ANKMY2: variants seen among roughly 807,000 people sequenced by gnomAD.
ANKMY2 encodes the protein ankyrin repeat and MYND domain-containing protein 2.
Under a neutral mutation model 50.4 loss-of-function variants are expected in ANKMY2, and 36 were observed. That is an observed-to-expected ratio of 0.71 (90% CI 0.55 to 0.94). ANKMY2 has a LOEUF of 0.94. Ranked by LOEUF, ANKMY2 falls within the 40% of genes least tolerant of loss-of-function variation. ANKMY2 has a pLI of 0.00. For synonymous variants in ANKMY2, 187 were observed against 178.8 expected, an observed-to-expected ratio of 1.05 and a Z score of -0.36; for missense variants, 565 against 524.0, an observed-to-expected ratio of 1.08 and a Z score of -0.76.
Position 16,645,710 on chromosome 7 carries a change from G to C in ANKMY2, c.-137C>G. 2 of 945,886 alleles carry C rather than the reference G, an allele frequency of 2.1e-6. No individual in the cohort carries two copies. Among genetic ancestry groups the C allele is most frequent in the Non-Finnish European group, 1.5e-6 (1 of 662,650 alleles). 58.6% of individuals were successfully genotyped at this position (945,886 alleles called of 1,614,324 possible). On this transcript the variant is annotated 5_prime_UTR_variant, in exon 1 of 10. Transcript: ENST00000306999. ...GAGTAGCCAACCGCGGAAACGCTTC[G>C]CTTCTCTCCTCCCTCCCGCGGGCTG... is the stretch of plus-strand genomic sequence containing the variant.
At chr7:16,638,383 A>G (rs1008131619) in intron 1 of ANKMY2, among the ~76,000 whole-genome samples, 2 of 152,204 alleles carry the variant, frequency 1.3e-5, no homozygotes, top group African/African-American at 4.8e-5. Context: ...AACTCAGGGA[A>G]ACACTACTTA....
chr7:16,633,743 T>C (rs901656830), intron 2 of ANKMY2, among the ~76,000 whole-genome samples: 8 of 152,194 alleles, frequency 5.3e-5, no homozygotes, highest in African/African-American at 1.9e-4. Context: ...TCTGCTAATA[T>C]ACAGTCCATG....
At chr7:16,602,649 T>A (rs1781089881) in intron 8 of ANKMY2, 140 bp from the exon 9 acceptor site, 2 of 1,155,516 alleles carry the variant, frequency 1.7e-6, no homozygotes, top group Non-Finnish European at 2.4e-6. Flanking sequence ...GTTGATATAG[T>A]TTGGATGTTG....
chr7:16,643,184 T>C (rs1781767907), intron 1 of ANKMY2, among the ~76,000 whole-genome samples: 1 of 152,232 alleles, frequency 6.6e-6, no homozygotes, highest in African/African-American at 2.4e-5. Flanking sequence ...AAAAGTCACT[T>C]GCCCAAAGGC....
intron 4 of ANKMY2, among the ~76,000 whole-genome samples, chr7:16,622,504 C>T (rs142258927): frequency 0.014 from 2,193 of 151,950 alleles, 58 homozygotes; most frequent in African/African-American, 0.05. Context: ...TTTGGGAGGC[C>T]GAGGCGGGCA....
In ANKMY2 at chr7:16,610,761, G is replaced by C. The variant is rs146888539; in HGVS notation, c.534C>G (p.Ile178Met). 6.2e-7 allele frequency: 1 copy of C among 1,613,196 alleles called. No homozygotes were observed. Among genetic ancestry groups the C allele is most frequent in the South Asian group, 1.1e-5 (1 of 90,982 alleles). The change falls in exon 6 of 10, where the codon ATC becomes ATG. Residue 178 changes from isoleucine to methionine, a missense_variant and splice_region_variant. Transcript: ENST00000306999. The stretch of plus-strand genomic sequence containing the variant: ...GAGGATTCTCATTTACAAGCATCAC[G>C]ATCTAGAGGAAATCCCAGTGTACTC... ...ITTTNLHPVK[I>M]VMLVNENPLL...
chr7:16,622,540 C>T (rs758444030), intron 4 of ANKMY2, among the ~76,000 whole-genome samples: 2 of 152,020 alleles, frequency 1.3e-5, no homozygotes, highest in Non-Finnish European at 2.9e-5. Flanking sequence ...AGTTCAAGAC[C>T]AGCCTGACCA....
chr7:16,636,528 A>C, intron 1 of ANKMY2, 73 bp from the exon 2 acceptor site: 1 of 1,239,098 alleles, frequency 8.1e-7, no homozygotes, highest in Non-Finnish European at 1.1e-6. Flanking sequence ...CATCAAGGAA[A>C]TAAACCTTAA....
intron 2 of ANKMY2, among the ~76,000 whole-genome samples, chr7:16,631,425 G>A (rs969160340): frequency 2.0e-5 from 3 of 152,146 alleles, no homozygotes; most frequent in African/African-American, 7.2e-5. Flanking sequence ...TCAAATAAAT[G>A]AGTTGAGTAT....
In ANKMY2 at chr7:16,645,511, C is replaced by T. The variant is rs766846791; in HGVS notation, c.63G>A (p.Gly21=). 2 of 1,611,184 alleles carry T rather than the reference C, an allele frequency of 1.2e-6. No individual in the cohort carries two copies. Among genetic ancestry groups the T allele is most frequent in the East Asian group, 2.2e-5 (1 of 44,584 alleles). ...GTCGCAGCCCAGCACCCGTACCTTT[C>T]CCGATGACTTCCAGTAGCTCCTTCT... ...QEEKELLEVI[G]KGTVQEAGTL... Residue 21 remains glycine, a synonymous_variant, in exon 1 of 10, where the codon GGG becomes GGA. Coordinates refer to ENST00000306999, the MANE Select transcript of ANKMY2 (RefSeq NM_020319.3).
At chr7:16,625,939 A>G (rs1048642542) in intron 3 of ANKMY2, among the ~76,000 whole-genome samples, 5 of 145,444 alleles carry the variant, frequency 3.4e-5, no homozygotes, top group African/African-American at 1.3e-4. Flanking sequence ...CCAATTTTCT[A>G]CTGTAGTATT....
Position 16,636,463 on chromosome 7 carries a change from A to AG in ANKMY2, c.68-9_68-8insC. On this transcript the variant is annotated splice_polypyrimidine_tract_variant and intron_variant, in intron 1 of 9. Coordinates refer to ENST00000306999, the MANE Select transcript of ANKMY2 (RefSeq NM_020319.3). ...CAGCTTCTTGGACAGTACCTAAAAA[A>AG]AAAAAAAAGATGAAAAGTAAGGTTA... 6.3e-7 allele frequency: 1 copy of AG among 1,575,208 alleles called. No individual in the cohort carries two copies. Among genetic ancestry groups the AG allele is most frequent in the Non-Finnish European group, 8.6e-7 (1 of 1,162,784 alleles).
intron 1 of ANKMY2, among the ~76,000 whole-genome samples, chr7:16,637,483 A>G (rs1781681238): frequency 6.6e-6 from 1 of 152,200 alleles, no homozygotes; most frequent in Admixed American, 6.5e-5. Context: ...ATAGAGAAGT[A>G]GCTCTGTTGG....
At chr7:16,644,611 T>G in intron 1 of ANKMY2, 1 of 445,212 alleles carries the variant, frequency 2.2e-6, no homozygotes. Context: ...CCACATTAAT[T>G]GCCCGGAGTC....
chr7:16,611,865 C>T lies in ANKMY2; in HGVS notation c.532-1102G>A, dbSNP rs563005436. On this transcript the variant is annotated intron_variant, in intron 5 of 9. Transcript: ENST00000306999. ...ACTCACAAACCAATCAGCATGCACT[C>T]CCCTTTCTGAGTCCATAAAAGGACC... Among the ~76,000 whole-genome samples the T allele has an allele frequency of 4.6e-5, 7 of 152,322 alleles. No homozygotes were observed. The South Asian group carries it at 1.2e-3, about 27-fold the overall frequency.
chr7:16,640,382 G>A (rs1040223259), intron 1 of ANKMY2, among the ~76,000 whole-genome samples: 2 of 151,920 alleles, frequency 1.3e-5, no homozygotes, highest in African/African-American at 2.4e-5. Context: ...TATCTAGATC[G>A]GGAACACGGG....
intron 4 of ANKMY2, among the ~76,000 whole-genome samples, chr7:16,616,210 G>A (rs187166041): frequency 6.6e-6 from 1 of 152,176 alleles, no homozygotes; most frequent in Non-Finnish European, 1.5e-5. Flanking sequence ...TCTAACAGTT[G>A]CTTGTAAGTT....
At chr7:16,636,258 G>A in intron 2 of ANKMY2, 133 bp downstream of exon 2, 1 of 620,898 alleles carries the variant, frequency 1.6e-6, no homozygotes, top group Non-Finnish European at 2.5e-6. Context: ...AGCCAAAATT[G>A]TGCCACTGCA....
chr7:16,645,461 C>T (rs1281590591), intron 1 of ANKMY2, 46 bp downstream of exon 1: 2 of 1,569,000 alleles, frequency 1.3e-6, no homozygotes, highest in Non-Finnish European at 8.6e-7. Context: ...CCGCCACGCC[C>T]CCCGGCCAGG....
Sources: allele counts gnomAD v4.1 joint callset (sites outside exome capture counted in the v4.1 genomes callset), GRCh38; gene constraint gnomAD v4.1.1; transcripts MANE v1.5; gene names NCBI Gene and HGNC (gene_info 2026-07-23, HGNC 2026-07-21).